ZBTB44: variants seen among roughly 807,000 people sequenced by gnomAD.
ZBTB44 encodes the protein zinc finger and BTB domain-containing protein 44.
A neutral mutation model predicts 54.0 loss-of-function variants in ZBTB44; 15 were observed. The ratio of observed to expected loss-of-function variants is 0.28; its 90% CI spans 0.19 to 0.43. ZBTB44 has a LOEUF of 0.43. ZBTB44 is among the 20% of genes least tolerant of loss of function. The probability of loss-of-function intolerance (pLI) is 1.00; values close to 1 mark genes in which losing one functional copy is unlikely to be tolerated. For synonymous variants in ZBTB44, 230 were observed against 250.1 expected, an observed-to-expected ratio of 0.92 and a Z score of 0.76; for missense variants, 487 against 707.1, an observed-to-expected ratio of 0.69 and a Z score of 3.53.
intron 2 of ZBTB44, among the ~76,000 whole-genome samples, chr11:130,240,778 A>G (rs566891894): frequency 1.3e-5 from 2 of 152,322 alleles, no homozygotes; most frequent in East Asian, 3.9e-4. Flanking sequence ...GAATACAAGT[A>G]TCCATAAGGT....
intron 1 of ZBTB44, among the ~76,000 whole-genome samples, chr11:130,294,538 CAAAAAAAAAAAAAAAAAAA>C (rs11322495): frequency 1.0e-4 from 5 of 48,656 alleles, no homozygotes; most frequent in Admixed American, 5.7e-4. Flanking sequence ...TCTATATGAC[CAAAAAAAAAAAAAAAAAAA>C]AAAAAAAAAA....
At chr11:130,247,613 TG>T (rs1321078299) in intron 2 of ZBTB44, among the ~76,000 whole-genome samples, 16 of 152,190 alleles carry the variant, frequency 1.1e-4, no homozygotes, top group Non-Finnish European at 1.9e-4. Flanking sequence ...GAACATAGGT[TG>T]GATTAGTTCA....
intron 2 of ZBTB44, among the ~76,000 whole-genome samples, chr11:130,256,504 C>A (rs942427541): frequency 6.6e-6 from 1 of 151,928 alleles, no homozygotes; most frequent in Non-Finnish European, 1.5e-5. Context: ...GGTGAAATCC[C>A]ATCTCTACTA....
chr11:130,285,997 T>C (rs1240035480), intron 1 of ZBTB44, among the ~76,000 whole-genome samples: 1 of 152,232 alleles, frequency 6.6e-6, no homozygotes, highest in Non-Finnish European at 1.5e-5. Flanking sequence ...ATAAAAATCT[T>C]ACTACTTCTA....
chr11:130,251,539 C>T (rs1938004635), intron 2 of ZBTB44, among the ~76,000 whole-genome samples: 1 of 152,130 alleles, frequency 6.6e-6, no homozygotes, highest in Non-Finnish European at 1.5e-5. Flanking sequence ...TAAGGGCAGC[C>T]AGAGAGAAAG....
At chr11:130,254,467 TG>T (rs1938278816) in intron 2 of ZBTB44, among the ~76,000 whole-genome samples, 1 of 152,044 alleles carries the variant, frequency 6.6e-6, no homozygotes, top group African/African-American at 2.4e-5. Flanking sequence ...AAAAGACACA[TG>T]AAAAAATGCT....
intron 2 of ZBTB44, among the ~76,000 whole-genome samples, chr11:130,241,675 GCTT>G (rs1954368954): frequency 6.6e-6 from 1 of 151,338 alleles, no homozygotes; most frequent in African/African-American, 2.4e-5. Context: ...CTTTCTAATG[GCTT>G]CTTCTGATGA....
At chr11:130,296,200 T>C in intron 1 of ZBTB44, 1 of 1,289,058 alleles carries the variant, frequency 7.8e-7, no homozygotes, top group Non-Finnish European at 1.1e-6. Context: ...AAGGAGCCAT[T>C]GTATGTTAGT....
chr11:130,312,453 G>A (rs1942666029), intron 1 of ZBTB44, among the ~76,000 whole-genome samples: 1 of 152,154 alleles, frequency 6.6e-6, no homozygotes, highest in Non-Finnish European at 1.5e-5. Context: ...CTTGCCAAAG[G>A]AAGTTTTACT....
In ZBTB44 at chr11:130,234,253, T is replaced by A. The variant is rs1177786340; in HGVS notation, c.1589A>T (p.Tyr530Phe). ...GGTCTCTTCTTGTTCCTGGTTTAAG[T>A]AGTCCGGTACTAGGAAATCACTAGA... ...FQSSDFLVPD[Y>F]LNQEQEETLV... The change falls in exon 6 of 8, where the codon TAC (tyrosine) becomes TTC (phenylalanine). Residue 530 changes from tyrosine to phenylalanine, a missense_variant. By Grantham distance (22) the Tyr-to-Phe change is conservative. Coordinates refer to ENST00000357899, the MANE Select transcript of ZBTB44 (RefSeq NM_001301098.2). 3 of 1,533,136 alleles carry A rather than the reference T, an allele frequency of 2.0e-6. No homozygotes were observed. The highest frequency in any genetic ancestry group is 1.4e-5 in the African/African-American group (1 of 71,886). The allele number at this position is 1,533,136 out of a possible 1,614,324, so 95.0% of individuals were successfully genotyped here. A position where few individuals can be genotyped will look rare whatever the true frequency, so the allele number is the denominator to read the frequency against.
rs1939363077 is a variant in ZBTB44 at position 130,267,772 on chromosome 11, T to A, written c.-56-5843A>T. 2.0e-5 allele frequency among the ~76,000 whole-genome samples: 3 copies of A among 152,094 alleles called. 1 individual carries two copies. The highest frequency in any genetic ancestry group is 2.0e-4 in the Admixed American group (3 of 15,272). ...AACAGCATCACATCCTGTAGAGAAATCCTCGTGAAGGCCGGGCGCAGTGGC... is the reference window on the plus strand; with the variant it reads ...AACAGCATCACATCCTGTAGAGAAAACCTCGTGAAGGCCGGGCGCAGTGGC... On this transcript the variant is annotated intron_variant, in intron 1 of 7. Transcript: ENST00000357899.
intron 1 of ZBTB44, among the ~76,000 whole-genome samples, chr11:130,302,415 C>T (rs1250313802): frequency 6.6e-6 from 1 of 152,108 alleles, no homozygotes; most frequent in East Asian, 1.9e-4. Flanking sequence ...CAAAGAGAAG[C>T]ACTGATTCCT....
chr11:130,306,867 A>AT (rs1301119447), intron 1 of ZBTB44, among the ~76,000 whole-genome samples: 1 of 152,100 alleles, frequency 6.6e-6, no homozygotes, highest in Non-Finnish European at 1.5e-5. Context: ...TATGAAGGAT[A>AT]TAACGGACTT....
chr11:130,300,425 G>A (rs1343703223), intron 1 of ZBTB44, among the ~76,000 whole-genome samples: 1 of 151,646 alleles, frequency 6.6e-6, no homozygotes, highest in Non-Finnish European at 1.5e-5. Flanking sequence ...ACAAAACAAA[G>A]CACAGACATA....
intron 1 of ZBTB44, among the ~76,000 whole-genome samples, chr11:130,299,848 T>A (rs1415283038): frequency 6.6e-6 from 1 of 152,196 alleles, no homozygotes; most frequent in Non-Finnish European, 1.5e-5. Flanking sequence ...GACACACCAG[T>A]ATTTGTACAT....
At chr11:130,310,625 A>G (rs1942543699) in intron 1 of ZBTB44, 1 of 152,230 alleles carries the variant, frequency 6.6e-6, no homozygotes, top group Non-Finnish European at 1.5e-5. Context: ...GTCTATTGCT[A>G]ATTCTTCTGA....
At chr11:130,268,567 C>A (rs1341655047) in intron 1 of ZBTB44, among the ~76,000 whole-genome samples, 40 of 151,960 alleles carry the variant, frequency 2.6e-4, no homozygotes, top group Non-Finnish European at 4.4e-5. Context: ...ACAGCAAGAC[C>A]CTGTCTCAAA....
intron 1 of ZBTB44, among the ~76,000 whole-genome samples, chr11:130,313,146 T>C (rs1348328972): frequency 6.6e-6 from 1 of 152,218 alleles, no homozygotes; most frequent in Non-Finnish European, 1.5e-5. Context: ...AAAGTACATC[T>C]ATACTGGAAT....
rs1330729557 is a variant in ZBTB44 at position 130,229,014 on chromosome 11, A to G, written c.*2750T>C. 1 of 152,190 alleles carries G rather than the reference A, an allele frequency of 6.6e-6. No individual in the cohort carries two copies. Among genetic ancestry groups the G allele is most frequent in the Non-Finnish European group, 1.5e-5 (1 of 68,022 alleles). 9.4% of individuals were successfully genotyped at this position (152,190 alleles called of 1,614,324 possible). ...CTTACTCTTAAGTTCTCTGTAAACT[A>G]TTATGCACACAGAAACCTTGGTATT... On this transcript the variant is annotated 3_prime_UTR_variant, in exon 8 of 8. Transcript: ENST00000357899.
Sources: allele counts gnomAD v4.1 joint callset (sites outside exome capture counted in the v4.1 genomes callset), GRCh38; gene constraint gnomAD v4.1.1; transcripts MANE v1.5; gene names NCBI Gene and HGNC (gene_info 2026-07-23, HGNC 2026-07-21).